Variants in ZCCHC7 observed in about 807,000 individuals in gnomAD.
ZCCHC7 encodes the protein zinc finger CCHC-type containing 7, also known as zinc finger CCHC domain-containing protein 7.
A neutral mutation model predicts 52.0 loss-of-function variants in ZCCHC7; 35 were observed. The observed-to-expected ratio is 0.67, with a 90% CI of 0.51 to 0.89. ZCCHC7 has a LOEUF of 0.89. ZCCHC7 is among the 40% of genes least tolerant of loss of function. ZCCHC7 has a pLI of 0.00. For missense variants in ZCCHC7, 574 were observed against 649.1 expected (o/e 0.88, Z 1.26); for synonymous variants, 217 against 221.5 (o/e 0.98, Z 0.18).
intron 2 of ZCCHC7, among the ~76,000 whole-genome samples, chr9:37,269,581 T>C (rs889567991): frequency 4.8e-5 from 6 of 123,738 alleles, no homozygotes; most frequent in East Asian, 2.3e-4. Flanking sequence ...ATTGTACCAC[T>C]GCATTCCAAC....
intron 2 of ZCCHC7, among the ~76,000 whole-genome samples, chr9:37,209,276 G>C (rs2133204755): frequency 1.3e-5 from 2 of 152,214 alleles, no homozygotes; most frequent in South Asian, 4.1e-4. Flanking sequence ...TCCTGACCTT[G>C]TGATCTGCCC....
chr9:37,289,768 C>T (rs923317238), intron 2 of ZCCHC7, among the ~76,000 whole-genome samples: 2 of 152,070 alleles, frequency 1.3e-5, no homozygotes, highest in Non-Finnish European at 2.9e-5. Context: ...AAACTAATAC[C>T]TCTGTACTCT....
chr9:37,129,257 G>A (rs922684268), intron 2 of ZCCHC7, among the ~76,000 whole-genome samples: 8 of 152,312 alleles, frequency 5.3e-5, no homozygotes, highest in African/African-American at 7.2e-5. Context: ...TGAAGAAATC[G>A]AACTGTGCCA....
chr9:37,127,069 T>G (rs907323777), intron 2 of ZCCHC7, 127 bp downstream of exon 2: 52 of 1,156,976 alleles, frequency 4.5e-5, no homozygotes, highest in Non-Finnish European at 6.1e-5. Flanking sequence ...TTTTTTGGTT[T>G]GTTTCTCATG....
intron 2 of ZCCHC7, among the ~76,000 whole-genome samples, chr9:37,193,678 C>G (rs887419519): frequency 1.3e-5 from 2 of 151,898 alleles, no homozygotes; most frequent in African/African-American, 2.4e-5. Flanking sequence ...TCTGCTGTTT[C>G]ATGTACAATT....
intron 2 of ZCCHC7, among the ~76,000 whole-genome samples, chr9:37,285,899 T>C (rs905078357): frequency 3.9e-5 from 6 of 152,212 alleles, no homozygotes; most frequent in Admixed American, 3.3e-4. Flanking sequence ...AATTATATAA[T>C]AAAAGTTAAC....
chr9:37,307,166 A>T (rs1282392027), intron 5 of ZCCHC7, among the ~76,000 whole-genome samples: 2 of 152,140 alleles, frequency 1.3e-5, no homozygotes, highest in African/African-American at 4.8e-5. Context: ...AAATTGCAGC[A>T]TATTAAAAAT....
chr9:37,263,599 G>A (rs1826964270), intron 2 of ZCCHC7, among the ~76,000 whole-genome samples: 1 of 152,074 alleles, frequency 6.6e-6, no homozygotes, highest in African/African-American at 2.4e-5. Context: ...AAGACTAGAA[G>A]ACATCAGGCC....
chr9:37,306,575 C>G (rs558642741), intron 5 of ZCCHC7, among the ~76,000 whole-genome samples: 40 of 151,570 alleles, frequency 2.6e-4, no homozygotes, highest in Non-Finnish European at 5.6e-4. Flanking sequence ...AAGCGATTCT[C>G]CTGCCTCAGC....
chr9:37,164,775 A>G (rs899370101), intron 2 of ZCCHC7, among the ~76,000 whole-genome samples: 15 of 152,124 alleles, frequency 9.9e-5, no homozygotes, highest in Non-Finnish European at 1.9e-4. Context: ...TCTGTGGTCC[A>G]GGCTGGTCCC....
intron 1 of ZCCHC7, among the ~76,000 whole-genome samples, chr9:37,123,190 G>GGT (rs58690804): frequency 6.5e-4 from 96 of 148,818 alleles, no homozygotes; most frequent in Non-Finnish European, 7.3e-4. Flanking sequence ...CTGAGTCAAG[G>GGT]GTGTGTGTGT....
intron 1 of ZCCHC7, among the ~76,000 whole-genome samples, chr9:37,125,505 T>G (rs546824657): frequency 1.3e-5 from 2 of 152,374 alleles, no homozygotes; most frequent in Admixed American, 6.5e-5. Context: ...GCCGTGCGAT[T>G]AATTTGTTAA....
At chr9:37,261,131 C>A (rs1033875266) in intron 2 of ZCCHC7, among the ~76,000 whole-genome samples, 2 of 152,066 alleles carry the variant, frequency 1.3e-5, no homozygotes, top group African/African-American at 4.8e-5. Flanking sequence ...CCCCCTTAAT[C>A]TTGTAATCTT....
At chr9:37,242,201 A>G (rs1041312187) in intron 2 of ZCCHC7, among the ~76,000 whole-genome samples, 23 of 151,964 alleles carry the variant, frequency 1.5e-4, no homozygotes, top group African/African-American at 5.3e-4. Flanking sequence ...AATGATTAAC[A>G]TTTTAAAATG....
chr9:37,161,467 C>T (rs13285620), intron 2 of ZCCHC7, among the ~76,000 whole-genome samples: 11 of 151,718 alleles, frequency 7.3e-5, no homozygotes, highest in South Asian at 4.2e-4. Flanking sequence ...CCCAGCTACT[C>T]GGGAGGCTGA....
At chr9:37,133,731 G>A (rs1019337906) in intron 2 of ZCCHC7, among the ~76,000 whole-genome samples, 9 of 152,142 alleles carry the variant, frequency 5.9e-5, no homozygotes, top group Admixed American at 4.6e-4. Flanking sequence ...TGGGATTACA[G>A]GCACGAGCCA....
At chr9:37,231,970 CTTCTT>C (rs1825429815) in intron 2 of ZCCHC7, among the ~76,000 whole-genome samples, 1 of 152,162 alleles carries the variant, frequency 6.6e-6, no homozygotes, top group African/African-American at 2.4e-5. Flanking sequence ...CCTGGAGTCT[CTTCTT>C]TTTGTTGCTG....
chr9:37,272,974 A>G (rs935116997), intron 2 of ZCCHC7, among the ~76,000 whole-genome samples: 8 of 152,238 alleles, frequency 5.3e-5, no homozygotes, highest in Admixed American at 1.3e-4. Context: ...TGCTAAGGAT[A>G]TTCTTGTGCA....
intron 6 of ZCCHC7, among the ~76,000 whole-genome samples, chr9:37,336,423 C>G (rs2118368300): frequency 1.3e-5 from 2 of 152,200 alleles, no homozygotes; most frequent in East Asian, 1.9e-4. Context: ...CAGGTCCTTG[C>G]AGCTGTGGAA....
Sources: gnomAD v4.1 joint callset for allele counts (sites outside exome capture counted in the v4.1 genomes callset) on GRCh38, gnomAD v4.1.1 for gene constraint, MANE v1.5 for transcripts, NCBI Gene and HGNC (gene_info 2026-07-23, HGNC 2026-07-21) for gene names.